AGBL1: variants seen among roughly 807,000 people sequenced by gnomAD.
AGBL1 encodes the protein AGBL carboxypeptidase 1.
A neutral mutation model predicts 118.9 loss-of-function variants in AGBL1; 130 were observed. That is an observed-to-expected ratio of 1.09 (90% CI 0.95 to 1.26). AGBL1 has a LOEUF of 1.26. Among genes scored for constraint, AGBL1 ranks in the 50% most tolerant of loss-of-function variants. The probability of loss-of-function intolerance (pLI) is 0.00; values close to 1 mark genes in which losing one functional copy is unlikely to be tolerated. For missense variants in AGBL1, 1,584 were observed against 1,298.1 expected, an observed-to-expected ratio of 1.22 and a Z score of -3.38; for synonymous variants, 555 against 478.9, an observed-to-expected ratio of 1.16 and a Z score of -2.08.
intron 22 of AGBL1, among the ~76,000 whole-genome samples, chr15:86,804,391 C>T (rs970196053): frequency 1.4e-4 from 22 of 152,124 alleles, no homozygotes; most frequent in Admixed American, 5.2e-4. Context: ...GAACTCAATA[C>T]AGAACTTTCT....
chr15:86,925,842 TG>T (rs1027613294), intron 23 of AGBL1, among the ~76,000 whole-genome samples: 44 of 152,026 alleles, frequency 2.9e-4, no homozygotes, highest in African/African-American at 1.1e-3. Context: ...GCCATTCTCC[TG>T]TCTTAGCCTC....
intron 23 of AGBL1, among the ~76,000 whole-genome samples, chr15:86,925,651 C>T (rs2141626536): frequency 6.6e-6 from 1 of 151,662 alleles, no homozygotes; most frequent in African/African-American, 2.4e-5. Flanking sequence ...GACAGGCTTC[C>T]TCTCATTGAT....
intron 18 of AGBL1, among the ~76,000 whole-genome samples, chr15:86,450,058 C>G (rs1441191306): frequency 6.6e-6 from 1 of 152,198 alleles, no homozygotes; most frequent in African/African-American, 2.4e-5. Flanking sequence ...ATAAGTACCC[C>G]TGCCATCAAT....
intron 5 of AGBL1, among the ~76,000 whole-genome samples, chr15:86,201,523 CTG>C (rs2077906930): frequency 6.6e-6 from 1 of 152,190 alleles, no homozygotes; most frequent in African/African-American, 2.4e-5. Flanking sequence ...TCACAAAACA[CTG>C]TGACTCAATG....
intron 16 of AGBL1, among the ~76,000 whole-genome samples, chr15:86,287,329 C>G (rs2079470277): frequency 6.6e-6 from 1 of 152,082 alleles, no homozygotes; most frequent in African/African-American, 2.4e-5. Context: ...GAATTGTTTC[C>G]TTTGCTATGC....
At chr15:86,473,553 TTG>T (rs922256891) in intron 18 of AGBL1, among the ~76,000 whole-genome samples, 1 of 152,080 alleles carries the variant, frequency 6.6e-6, no homozygotes, top group African/African-American at 2.4e-5. Context: ...TTTTTTCTAT[TTG>T]TTTTTTTTAA....
chr15:86,400,176 T>C (rs1191854139), intron 18 of AGBL1, among the ~76,000 whole-genome samples: 5 of 152,142 alleles, frequency 3.3e-5, no homozygotes, highest in Non-Finnish European at 7.3e-5. Flanking sequence ...GCCCACTCTG[T>C]TGTGTATCAT....
At chr15:86,169,127 C>A (rs1050655144) in intron 5 of AGBL1, among the ~76,000 whole-genome samples, 7 of 152,180 alleles carry the variant, frequency 4.6e-5, no homozygotes, top group African/African-American at 1.7e-4. Flanking sequence ...TGCAGCCCAG[C>A]AGACTCCCTG....
At chr15:86,373,637 G>A (rs945342914) in intron 17 of AGBL1, among the ~76,000 whole-genome samples, 11 of 152,128 alleles carry the variant, frequency 7.2e-5, no homozygotes, top group African/African-American at 2.7e-4. Flanking sequence ...TGAAGATTCA[G>A]GTGGAGATTG....
intron 18 of AGBL1, among the ~76,000 whole-genome samples, chr15:86,457,471 A>G (rs1991666): frequency 1.6e-4 from 25 of 152,280 alleles, no homozygotes; most frequent in Middle Eastern, 3.4e-3. Flanking sequence ...ACATCCGGAG[A>G]ATACTTGACA....
chr15:86,232,937 T>A (rs2078480213), intron 6 of AGBL1, among the ~76,000 whole-genome samples: 1 of 152,186 alleles, frequency 6.6e-6, no homozygotes, highest in South Asian at 2.1e-4. Flanking sequence ...TTAGAGTACC[T>A]GCACTGAATA....
chr15:86,418,297 C>A (rs1035833641), intron 18 of AGBL1, among the ~76,000 whole-genome samples: 1 of 152,150 alleles, frequency 6.6e-6, no homozygotes, highest in African/African-American at 2.4e-5. Flanking sequence ...TTTAGTGCTG[C>A]CATTGAACCC....
chr15:86,555,072 C>G (rs1390727946), intron 21 of AGBL1, among the ~76,000 whole-genome samples: 1 of 152,174 alleles, frequency 6.6e-6, no homozygotes, highest in Non-Finnish European at 1.5e-5. Context: ...GTTTTGGACT[C>G]ATATGCTAGT....
chr15:87,007,576 C>G (rs1178890817), intron 24 of AGBL1, among the ~76,000 whole-genome samples: 1 of 152,010 alleles, frequency 6.6e-6, no homozygotes, highest in Non-Finnish European at 1.5e-5. Flanking sequence ...AGAACACAGA[C>G]AGGATGAGGT....
At chr15:86,196,704 A>T (rs1348962261) in intron 5 of AGBL1, among the ~76,000 whole-genome samples, 2 of 152,012 alleles carry the variant, frequency 1.3e-5, no homozygotes, top group African/African-American at 2.4e-5. Flanking sequence ...TGAAGCCCTA[A>T]CCCCCAATGT....
intron 21 of AGBL1, among the ~76,000 whole-genome samples, chr15:86,625,979 A>G (rs560088708): frequency 6.6e-6 from 1 of 152,332 alleles, no homozygotes; most frequent in East Asian, 1.9e-4. Flanking sequence ...CAATTGAGTC[A>G]TAAAGAATAG....
chr15:86,882,704 T>C (rs1184637454), intron 22 of AGBL1, among the ~76,000 whole-genome samples: 2 of 152,192 alleles, frequency 1.3e-5, no homozygotes, highest in African/African-American at 4.8e-5. Flanking sequence ...AGGCCAACTC[T>C]GTTTGGATCA....
chr15:86,306,853 C>T (rs1232264794), intron 17 of AGBL1, among the ~76,000 whole-genome samples: 1 of 152,124 alleles, frequency 6.6e-6, no homozygotes, highest in Admixed American at 6.6e-5. Flanking sequence ...TGGATAAAAG[C>T]CATTTTAACT....
Position 86,613,401 on chromosome 15 carries a change from A to G in AGBL1, c.2994+58864A>G, listed in dbSNP as rs1450658378. 2.0e-5 allele frequency among the ~76,000 whole-genome samples: 3 copies of G among 152,144 alleles called. No homozygotes were observed. Among genetic ancestry groups the G allele is most frequent in the Non-Finnish European group, 4.4e-5 (3 of 68,034 alleles). On this transcript the variant is annotated intron_variant, in intron 21 of 22. Transcript: ENST00000614907. This position sits in a 1 kb window ranked among gnomAD's most constrained non-coding sequence, Gnocchi z 4.2. ...GTGGACAGTTAGTGGGTGAGAAGACAGTGTCTGGCATGTTCAAAGCTGCTT... is the reference window on the plus strand; with the variant it reads ...GTGGACAGTTAGTGGGTGAGAAGACGGTGTCTGGCATGTTCAAAGCTGCTT...
Sources: gnomAD v4.1 joint callset for allele counts (sites outside exome capture counted in the v4.1 genomes callset) on GRCh38, gnomAD v4.1.1 for gene constraint, Gnocchi (gnomAD v3.1) non-coding constraint, MANE v1.5 for transcripts, NCBI Gene and HGNC (gene_info 2026-07-23, HGNC 2026-07-21) for gene names.